Variants in FRMD6 observed in about 807,000 individuals in gnomAD.
FRMD6 encodes FERM domain containing 6, also known as FERM domain-containing protein 6.
In FRMD6, 37 loss-of-function variants were observed where a neutral mutation model predicts 73.2. The observed-to-expected ratio is 0.51, with a 90% CI of 0.39 to 0.66. The LOEUF is 0.66. Among genes scored for constraint, FRMD6 ranks in the 30% least tolerant of loss-of-function variants. The pLI is 0.00. For synonymous variants in FRMD6, 273 were observed against 282.2 expected (o/e 0.97, Z 0.33); for missense variants, 714 against 780.5 (o/e 0.91, Z 1.02).
At chr14:51,439,516 G>A in the FRMD6 span, among the ~76,000 whole-genome samples, 3 of 152,152 alleles carry the variant, frequency 2.0e-5, no homozygotes, top group African/African-American at 7.2e-5. Flanking sequence ...CTCTGTCAAG[G>A]TTGGCTTTGG....
chr14:51,555,275 T>A (rs1887064358), intron 1 of FRMD6, among the ~76,000 whole-genome samples: 3 of 152,226 alleles, frequency 2.0e-5, no homozygotes, highest in African/African-American at 7.2e-5. Flanking sequence ...AATAATGTGA[T>A]AAATTTAAGT....
chr14:51,607,744 A>T (rs1041647587), intron 2 of FRMD6, among the ~76,000 whole-genome samples: 1 of 152,152 alleles, frequency 6.6e-6, no homozygotes, highest in African/African-American at 2.4e-5. Context: ...TATATGTCTA[A>T]ATGGGCTTTT....
the FRMD6 span, among the ~76,000 whole-genome samples, chr14:51,420,683 T>A: frequency 6.6e-6 from 1 of 152,240 alleles, no homozygotes; most frequent in Non-Finnish European, 1.5e-5. Flanking sequence ...ACATAGCATT[T>A]ACATTGTATT....
At chr14:51,550,031 C>T (rs991017241) in intron 1 of FRMD6, among the ~76,000 whole-genome samples, 26 of 152,120 alleles carry the variant, frequency 1.7e-4, no homozygotes, top group Admixed American at 1.5e-3. Flanking sequence ...CCTTTGGTGC[C>T]ACAGTTGTAT....
chr14:51,455,394 C>T, the FRMD6 span, among the ~76,000 whole-genome samples: 2 of 152,222 alleles, frequency 1.3e-5, no homozygotes. Context: ...TTCCTGACTG[C>T]TCTTGTCATT....
intron 2 of FRMD6, among the ~76,000 whole-genome samples, chr14:51,623,569 AG>A (rs2139936388): frequency 6.6e-6 from 1 of 152,320 alleles, no homozygotes; most frequent in Admixed American, 6.5e-5. Flanking sequence ...CCAAGTAGAA[AG>A]CCACTTTACA....
Position 51,547,312 on chromosome 14 carries a change from C to G in FRMD6, c.-209-23036C>G, listed in dbSNP as rs1264038045. On this transcript the variant is annotated intron_variant, in intron 1 of 14. Transcript: ENST00000356218. ...ATTCTAACGAGTGTAAAGTATCAAG[C>G]TCTGTACATCTTGCTCTCTGCTGGG... 2.6e-5 allele frequency among the ~76,000 whole-genome samples: 4 copies of G among 152,168 alleles called. No individual in the cohort carries two copies. The East Asian group carries it at 7.7e-4, about 29-fold the overall frequency.
intron 2 of FRMD6, among the ~76,000 whole-genome samples, chr14:51,616,937 A>C (rs1890737426): frequency 6.6e-6 from 1 of 152,228 alleles, no homozygotes; most frequent in Non-Finnish European, 1.5e-5. Context: ...ATTACATGTC[A>C]AGAACTGCAT....
chr14:51,512,650 C>G (rs1267421128), intron 1 of FRMD6, among the ~76,000 whole-genome samples: 1 of 151,010 alleles, frequency 6.6e-6, no homozygotes, highest in Non-Finnish European at 1.5e-5. Context: ...ATAAAAAGAA[C>G]TAAAGTCTGG....
At chr14:51,694,677 G>A (rs1895824302) in intron 2 of FRMD6, among the ~76,000 whole-genome samples, 1 of 152,134 alleles carries the variant, frequency 6.6e-6, no homozygotes, top group Admixed American at 6.5e-5. Flanking sequence ...GCAACGGAGT[G>A]AGACCTTGTC....
intron 2 of FRMD6, among the ~76,000 whole-genome samples, chr14:51,619,156 C>T (rs1407943639): frequency 1.3e-5 from 2 of 151,762 alleles, no homozygotes; most frequent in Admixed American, 6.6e-5. Flanking sequence ...TTCAGTAAAG[C>T]GCAAGTCTTC....
intron 1 of FRMD6, among the ~76,000 whole-genome samples, chr14:51,559,485 T>G (rs1166966502): frequency 6.6e-6 from 1 of 152,078 alleles, no homozygotes; most frequent in Non-Finnish European, 1.5e-5. Flanking sequence ...TTTTTTTTTT[T>G]TTTTTTTTTA....
chr14:51,590,207 G>A (rs1889313385), intron 2 of FRMD6, among the ~76,000 whole-genome samples: 1 of 151,734 alleles, frequency 6.6e-6, no homozygotes, highest in Non-Finnish European at 1.5e-5. Context: ...TACCTACAAA[G>A]AAGGACTCTC....
upstream of FRMD6, among the ~76,000 whole-genome samples, chr14:51,487,521 G>A (rs1435556555): frequency 6.6e-6 from 1 of 152,162 alleles, no homozygotes; most frequent in Non-Finnish European, 1.5e-5. Flanking sequence ...CCAGCTCCAG[G>A]TCAGTGCTGC....
chr14:51,510,788 G>A (rs889239042), intron 1 of FRMD6, among the ~76,000 whole-genome samples: 1 of 152,196 alleles, frequency 6.6e-6, no homozygotes, highest in Admixed American at 6.5e-5. Flanking sequence ...TGAAGGGTCC[G>A]TCTCTACCGC....
chr14:51,558,721 G>A (rs1300901104), intron 1 of FRMD6, among the ~76,000 whole-genome samples: 2 of 152,030 alleles, frequency 1.3e-5, no homozygotes, highest in Non-Finnish European at 2.9e-5. Flanking sequence ...TATATAACAT[G>A]TGGTAACATA....
the FRMD6 span, chr14:51,436,342 CA>C: frequency 5.1e-6 from 2 of 391,394 alleles, no homozygotes; most frequent in Non-Finnish European, 4.9e-6. Flanking sequence ...GTTAACCATC[CA>C]AAAGTGTCTG....
intron 1 of FRMD6, among the ~76,000 whole-genome samples, chr14:51,672,958 A>G (rs981478787): frequency 2.6e-5 from 4 of 152,114 alleles, no homozygotes; most frequent in African/African-American, 9.7e-5. Context: ...TCTAGCATGT[A>G]AGTAAGTTAC....
chr14:51,594,248 C>T (rs1889572993), intron 2 of FRMD6, among the ~76,000 whole-genome samples: 2 of 152,172 alleles, frequency 1.3e-5, no homozygotes, highest in Non-Finnish European at 2.9e-5. Flanking sequence ...CCTCAGCCTT[C>T]CAAGTAACTG....
Sources: allele counts gnomAD v4.1 joint callset (sites outside exome capture counted in the v4.1 genomes callset), GRCh38; gene constraint gnomAD v4.1.1; transcripts MANE v1.5; gene names NCBI Gene and HGNC (gene_info 2026-07-23, HGNC 2026-07-21).